Variants in COL14A1 observed in about 807,000 individuals in gnomAD.
The protein encoded by COL14A1 is collagen type XIV alpha 1 chain.
Under a neutral mutation model 230.3 loss-of-function variants are expected in COL14A1, and 136 were observed. The ratio of observed to expected loss-of-function variants is 0.59; its 90% CI spans 0.51 to 0.68. The LOEUF is 0.68. Among genes scored for constraint, COL14A1 ranks in the 30% least tolerant of loss-of-function variants. The pLI is 0.00. For synonymous variants in COL14A1, 792 were observed against 784.1 expected, an observed-to-expected ratio of 1.01 and a Z score of -0.17; for missense variants, 1,976 against 2,215.8, an observed-to-expected ratio of 0.89 and a Z score of 2.17.
At chr8:120,172,713 A>T (rs1816134565) in intron 5 of COL14A1, among the ~76,000 whole-genome samples, 1 of 152,232 alleles carries the variant, frequency 6.6e-6, no homozygotes, top group Admixed American at 6.5e-5. Flanking sequence ...AGGCCAATGT[A>T]CAACTTTCCT....
rs972302646 is a variant in COL14A1 at position 120,219,627 on chromosome 8, A to G, written c.1737+3137A>G. Among the ~76,000 whole-genome samples, 10 of 152,304 alleles carry G rather than the reference A, an allele frequency of 6.6e-5. No individual in the cohort carries two copies. In the South Asian group the frequency reaches 1.2e-3, roughly 19 times the overall value. ...CATTTCTCAAAGACCCCATCTCTTAATACTACTGCATTGGGGATCAGGTAG... is the reference window on the plus strand; with the variant it reads ...CATTTCTCAAAGACCCCATCTCTTAGTACTACTGCATTGGGGATCAGGTAG... On this transcript the variant is annotated intron_variant, in intron 14 of 47. Transcript: ENST00000297848.
chr8:120,286,222 A>G lies in COL14A1; in HGVS notation c.4077+252A>G, dbSNP rs553539461. 3.3e-5 allele frequency among the ~76,000 whole-genome samples: 5 copies of G among 152,132 alleles called. No homozygotes were observed. The South Asian group carries it at 1.0e-3, about 32-fold the overall frequency. ...GGGGCACTTTCCTCTTTGAGGAAAA[A>G]TGTAGTTAAGGATATGGCATTACCA... On this transcript the variant is annotated intron_variant, in intron 33 of 47. Coordinates refer to ENST00000297848, the MANE Select transcript of COL14A1 (RefSeq NM_021110.4).
intron 5 of COL14A1, among the ~76,000 whole-genome samples, chr8:120,172,048 C>G (rs1816108639): frequency 6.6e-6 from 1 of 151,974 alleles, no homozygotes; most frequent in Non-Finnish European, 1.5e-5. Context: ...GTGCTTGGTT[C>G]CTTTTTAACT....
intron 5 of COL14A1, among the ~76,000 whole-genome samples, chr8:120,189,288 T>A (rs1483423651): frequency 6.6e-6 from 1 of 152,144 alleles, no homozygotes; most frequent in Non-Finnish European, 1.5e-5. Context: ...TGTTTATGTA[T>A]GTCTTAGAGC....
At chr8:120,305,823 G>A (rs910647201) in intron 36 of COL14A1, among the ~76,000 whole-genome samples, 3 of 151,916 alleles carry the variant, frequency 2.0e-5, no homozygotes, top group Non-Finnish European at 2.9e-5. Context: ...AGTATACTCT[G>A]TAGCTTTTCT....
At position 120,247,683 on chromosome 8, in the gene COL14A1, C is replaced by G; in HGVS notation, c.2550C>G (p.Asp850Glu). ...EWYNRLRITW[D>E]PPSSPVKGYR... ...ATAACCGGTTGCGCATTACGTGGGA[C>G]CCCCCATCTTCCCCGGTGAAAGGCT... Residue 850 changes from aspartate (D) to glutamate (E), a missense_variant, in exon 21 of 48, where the codon GAC (aspartate) becomes GAG (glutamate). Coordinates refer to ENST00000297848, the MANE Select transcript of COL14A1 (RefSeq NM_021110.4). 6.2e-7 allele frequency: 1 copy of G among 1,613,944 alleles called. No individual in the cohort carries two copies. Among genetic ancestry groups the G allele is most frequent in the Non-Finnish European group, 8.5e-7 (1 of 1,179,938 alleles).
intron 25 of COL14A1, among the ~76,000 whole-genome samples, chr8:120,267,979 A>G (rs1362676092): frequency 6.6e-6 from 1 of 151,796 alleles, no homozygotes; most frequent in Non-Finnish European, 1.5e-5. Context: ...GTTACATACC[A>G]GGGAAACAAT....
At chr8:120,184,456 T>C (rs1816582493) in intron 5 of COL14A1, among the ~76,000 whole-genome samples, 2 of 151,986 alleles carry the variant, frequency 1.3e-5, no homozygotes, top group Admixed American at 6.6e-5. Context: ...GGTTTCACCA[T>C]AGTGGCCAGG....
intron 34 of COL14A1, among the ~76,000 whole-genome samples, chr8:120,292,002 G>C (rs570410899): frequency 6.6e-6 from 1 of 152,156 alleles, no homozygotes; most frequent in South Asian, 2.1e-4. Context: ...AATGTTGTCT[G>C]TTCAAATTGT....
chr8:120,195,821 T>G (rs918238436), intron 5 of COL14A1, among the ~76,000 whole-genome samples: 11 of 152,178 alleles, frequency 7.2e-5, no homozygotes, highest in Non-Finnish European at 1.0e-4. Context: ...TTATGGGAGC[T>G]ACAGTTCAAG....
chr8:120,206,923 G>A lies in COL14A1; in HGVS notation c.1040-20G>A. On this transcript the variant is annotated intron_variant, in intron 9 of 47. Transcript: ENST00000297848. ...ATAACTTTGGGTAAGAGGTTTATTT[G>A]ATATGTTTTTTTAATTTAGCCTCAG... 3 of 1,587,544 alleles carry A rather than the reference G, an allele frequency of 1.9e-6. No individual in the cohort carries two copies. Among genetic ancestry groups the A allele is most frequent in the Non-Finnish European group, 2.6e-6 (3 of 1,170,704 alleles).
intron 1 of COL14A1, among the ~76,000 whole-genome samples, chr8:120,141,773 A>G (rs1027115889): frequency 6.6e-5 from 10 of 152,166 alleles, no homozygotes; most frequent in African/African-American, 2.2e-4. Context: ...GAGAATAGAG[A>G]AAGGCTATTT....
At chr8:120,132,970 C>T (rs1012462832) in intron 1 of COL14A1, among the ~76,000 whole-genome samples, 2 of 152,228 alleles carry the variant, frequency 1.3e-5, no homozygotes, top group East Asian at 1.9e-4. Context: ...GTAATCCCAG[C>T]ACTTTGGGAG....
At chr8:120,285,771 G>A (rs1022870712) in intron 32 of COL14A1, 90 bp from the exon 33 acceptor site, 11 of 774,816 alleles carry the variant, frequency 1.4e-5, no homozygotes, top group African/African-American at 5.3e-5. Context: ...CAAAACAATC[G>A]ATGCATTGTT....
chr8:120,147,679 G>A (rs530989317), intron 1 of COL14A1, 127 bp from the exon 2 acceptor site: 12 of 520,382 alleles, frequency 2.3e-5, no homozygotes, highest in African/African-American at 9.8e-5. Context: ...TGAAATGCAC[G>A]ATGCTCTAGG....
chr8:120,357,182 A>G (rs999432615), intron 45 of COL14A1, among the ~76,000 whole-genome samples: 2 of 152,150 alleles, frequency 1.3e-5, no homozygotes, highest in African/African-American at 4.8e-5. Context: ...GTTGGCTAAG[A>G]GTCTTGCATA....
At chr8:120,281,142 G>A (rs1820025722) in intron 31 of COL14A1, 83 bp downstream of exon 31, 2 of 1,244,086 alleles carry the variant, frequency 1.6e-6, no homozygotes, top group South Asian at 1.6e-5. Context: ...GAAATATGGT[G>A]TAATAGTCCC....
intron 47 of COL14A1, chr8:120,370,654 A>G (rs756123305): frequency 2.8e-6 from 4 of 1,451,610 alleles, no homozygotes; most frequent in Non-Finnish European, 3.7e-6. Context: ...GTGTGCCAAG[A>G]ATTTATCCCA....
At chr8:120,321,082 G>T (rs1312433655) in intron 40 of COL14A1, among the ~76,000 whole-genome samples, 5 of 152,108 alleles carry the variant, frequency 3.3e-5, no homozygotes, top group African/African-American at 1.2e-4. Context: ...GATCACCACA[G>T]GATTTTGTTA....
Sources: allele counts gnomAD v4.1 joint callset (sites outside exome capture counted in the v4.1 genomes callset), GRCh38; gene constraint gnomAD v4.1.1; transcripts MANE v1.5; gene names NCBI Gene and HGNC (gene_info 2026-07-23, HGNC 2026-07-21).